The following H6PD variants were observed in gnomAD, a reference collection of about 807,000 sequenced individuals.
H6PD encodes hexose-6-phosphate dehydrogenase/glucose 1-dehydrogenase.
Under a neutral mutation model 61.2 loss-of-function variants are expected in H6PD, and 48 were observed. The observed-to-expected ratio is 0.78, with a 90% CI of 0.62 to 1.00. The LOEUF (loss-of-function observed/expected upper bound fraction) is 1.00. Ranked by LOEUF, H6PD falls within the 50% of genes least tolerant of loss-of-function variation. The probability of loss-of-function intolerance (pLI) is 0.00; values close to 1 mark genes in which losing one functional copy is unlikely to be tolerated. For missense variants in H6PD, 1,093 were observed against 1,065.0 expected (o/e 1.03, Z -0.37); for synonymous variants, 480 against 457.9 (o/e 1.05, Z -0.62).
intron 3 of H6PD, among the ~76,000 whole-genome samples, chr1:9,248,568 G>A (rs556349520): frequency 1.5e-4 from 23 of 152,182 alleles, no homozygotes; most frequent in Non-Finnish European, 2.5e-4. Flanking sequence ...GGGCAGAGGC[G>A]GGAGGATCAT....
At chr1:9,258,402 ATGT>A (rs1477263661) in intron 3 of H6PD, among the ~76,000 whole-genome samples, 5 of 151,400 alleles carry the variant, frequency 3.3e-5, no homozygotes, top group East Asian at 3.9e-4. Context: ...CAGTGTTGTT[ATGT>A]TGTTATGTCA....
rs115109857 is a variant in H6PD at position 9,263,654 on chromosome 1, C to G, written c.1161C>G (p.Ala387=). The change falls in exon 5 of 5, where the codon GCC becomes GCG. Residue 387 remains alanine, a synonymous_variant. Transcript: ENST00000377403. ...ACCVQSEKHW[A]AAQSQCLPRQ... ...GTGTGCAGAGCGAAAAGCACTGGGCCGCGGCGCAGAGCCAGTGCCTGCCCC... is the reference window on the plus strand; with the variant it reads ...GTGTGCAGAGCGAAAAGCACTGGGCGGCGGCGCAGAGCCAGTGCCTGCCCC... 3.1e-6 allele frequency: 5 copies of G among 1,614,172 alleles called. No homozygotes were observed. The highest frequency in any genetic ancestry group is 4.2e-6 in the Non-Finnish European group (5 of 1,180,028).
chr1:9,237,524 C>A (rs80077966), intron 1 of H6PD, among the ~76,000 whole-genome samples: 2 of 152,100 alleles, frequency 1.3e-5, no homozygotes, highest in Non-Finnish European at 2.9e-5. Flanking sequence ...TAAGCCACTG[C>A]GCCTGGCCAT....
intron 1 of H6PD, among the ~76,000 whole-genome samples, chr1:9,236,135 C>T (rs550841789): frequency 3.9e-5 from 6 of 152,146 alleles, no homozygotes; most frequent in South Asian, 2.1e-4. Flanking sequence ...ATTACAGGCG[C>T]GTGCCACCAC....
At chr1:9,247,141 G>A in intron 3 of H6PD, 58 bp downstream of exon 3, 1 of 1,160,644 alleles carries the variant, frequency 8.6e-7, no homozygotes, top group Admixed American at 1.7e-5. Context: ...GCTGTCTGCG[G>A]TGAGGCATGG....
rs1176550644 is a variant in H6PD at position 9,269,063 on chromosome 1, C to G, written c.*4194C>G. 7 of 152,090 alleles carry G rather than the reference C, an allele frequency of 4.6e-5. No homozygotes were observed. Among genetic ancestry groups the G allele is most frequent in the Admixed American group, 4.6e-4 (7 of 15,280 alleles). 9.4% of individuals were successfully genotyped at this position (152,090 alleles called of 1,614,324 possible). A position where few individuals can be genotyped will look rare whatever the true frequency, so the allele number is the denominator to read the frequency against. On this transcript the variant is annotated 3_prime_UTR_variant, in exon 5 of 5. Coordinates refer to ENST00000377403, the MANE Select transcript of H6PD (RefSeq NM_004285.4). The surrounding 1 kb of genome is among the most constrained non-coding windows in gnomAD (Gnocchi z 4.3). ...CACTGATTTAAAAAAAAAAAACTGC[C>G]TGGCAGCATCTCAGTGTCAGAGTGA...
Position 9,262,149 on chromosome 1 carries a change from T to A in H6PD, c.836T>A (p.Leu279Gln). The change falls in exon 4 of 5, where the codon CTG becomes CAG. Residue 279 changes from leucine (L) to glutamine (Q), a missense_variant. By Grantham distance (113) the Leu-to-Gln change is moderately radical (BLOSUM62 -2). Transcript: ENST00000377403. ...TEVLTLVAME[L>Q]PHNVSSAEAV... ...GTCCTCACCCTCGTGGCCATGGAGC[T>A]GCCCCACAATGTCAGCAGTGCGGAG... 1 of 1,614,242 alleles carries A rather than the reference T, an allele frequency of 6.2e-7. No individual in the cohort carries two copies. The highest frequency in any genetic ancestry group is 8.5e-7 in the Non-Finnish European group (1 of 1,180,036).
At chr1:9,237,580 A>G (rs1305980813) in intron 1 of H6PD, among the ~76,000 whole-genome samples, 1 of 152,174 alleles carries the variant, frequency 6.6e-6, no homozygotes, top group Non-Finnish European at 1.5e-5. Flanking sequence ...ACTCCCTGCT[A>G]AGATGGGGAT....
Position 9,245,008 on chromosome 1 carries a change from A to G in H6PD, c.74A>G (p.His25Arg), listed in dbSNP as rs1641118132. The G allele has an allele frequency of 3.7e-6, 6 of 1,614,186 alleles. No homozygotes were observed. The highest frequency in any genetic ancestry group is 3.3e-5 in the South Asian group (3 of 91,090). The change falls in exon 2 of 5, where the codon CAT becomes CGT. Residue 25 changes from histidine to arginine, a missense_variant. Physicochemically the swap from His to Arg is conservative, Grantham distance 29 (BLOSUM62 0). Transcript: ENST00000377403. This position sits in a 1 kb window ranked among gnomAD's most constrained non-coding sequence, Gnocchi z 4.8. Reference protein sequence around the residue: ...GCLQAQELQGHVSIILLGATG... With the variant: ...GCLQAQELQGRVSIILLGATG... ...CTGCAAGCCCAGGAGCTCCAGGGAC[A>G]TGTCTCCATAATCCTGCTGGGAGCA...
Position 9,262,202 on chromosome 1 carries a change from T to C in H6PD, c.889T>C (p.Phe297Leu). ...TGTGCTGCGGCACAAGCTTCAGGTC[T>C]TCCAGGCGCTGCGGGGCCTGCAGAG... is the stretch of plus-strand genomic sequence containing the variant. Reference protein sequence around the residue: ...EAVLRHKLQVFQALRGLQRGS... With the variant: ...EAVLRHKLQVLQALRGLQRGS... The change falls in exon 4 of 5, where the codon TTC (phenylalanine) becomes CTC (leucine). Residue 297 changes from phenylalanine to leucine, a missense_variant. Physicochemically the swap from Phe to Leu is conservative, Grantham distance 22. Coordinates refer to ENST00000377403, the MANE Select transcript of H6PD (RefSeq NM_004285.4). 6.2e-7 allele frequency: 1 copy of C among 1,614,188 alleles called. No individual in the cohort carries two copies. Among genetic ancestry groups the C allele is most frequent in the Non-Finnish European group, 8.5e-7 (1 of 1,180,014 alleles).
chr1:9,262,215 G>A lies in H6PD; in HGVS notation c.902G>A (p.Arg301Gln), dbSNP rs149621074. Residue 301 changes from arginine to glutamine, a missense_variant, in exon 4 of 5, where the codon CGG (arginine) becomes CAG (glutamine). By Grantham distance (43) the Arg-to-Gln change is conservative. Transcript: ENST00000377403. ...AAGCTTCAGGTCTTCCAGGCGCTGCGGGGCCTGCAGAGGGGCAGTGCCGTC... is the reference window on the plus strand; with the variant it reads ...AAGCTTCAGGTCTTCCAGGCGCTGCAGGGCCTGCAGAGGGGCAGTGCCGTC... ...RHKLQVFQAL[R>Q]GLQRGSAVVG... is the part of the protein sequence containing the mutation. 2.4e-4 allele frequency: 392 copies of A among 1,613,968 alleles called. No homozygotes were observed. Among genetic ancestry groups the A allele is most frequent in the Non-Finnish European group, 2.3e-4 (268 of 1,179,910 alleles).
chr1:9,264,610 C>T lies in H6PD; in HGVS notation c.2117C>T (p.Ser706Leu), dbSNP rs746869055. ...CACACAGCCTCCCTCTTCCCACAGTCACCCACTGGCCTGGATGGCGAGCAG... is the reference window on the plus strand; with the variant it reads ...CACACAGCCTCCCTCTTCCCACAGTTACCCACTGGCCTGGATGGCGAGCAG... ...DGHTASLFPQSPTGLDGEQLV... is the reference protein window; with the variant it reads ...DGHTASLFPQLPTGLDGEQLV... The change falls in exon 5 of 5, where the codon TCA becomes TTA. Residue 706 changes from serine (S) to leucine (L), a missense_variant. Physicochemically the swap from Ser to Leu is moderately radical, Grantham distance 145 (BLOSUM62 -2). Transcript: ENST00000377403. The T allele has an allele frequency of 3.7e-6, 6 of 1,613,176 alleles. No homozygotes were observed. Among genetic ancestry groups the T allele is most frequent in the Non-Finnish European group, 3.4e-6 (4 of 1,179,940 alleles).
chr1:9,246,882 AG>A, intron 2 of H6PD, 83 bp from the exon 3 acceptor site: 1 of 913,822 alleles, frequency 1.1e-6, no homozygotes, highest in African/African-American at 1.6e-5. Flanking sequence ...GGGAATAGAA[AG>A]GTCAGAGCCC....
intron 3 of H6PD, among the ~76,000 whole-genome samples, chr1:9,260,728 G>T (rs1453488294): frequency 6.6e-6 from 1 of 152,104 alleles, no homozygotes; most frequent in Admixed American, 6.6e-5. Context: ...TTAGGCTGGT[G>T]TTGTTATGTT....
chr1:9,260,408 GTGTTA>G (rs1641686594), intron 3 of H6PD, among the ~76,000 whole-genome samples: 2 of 148,430 alleles, frequency 1.3e-5, no homozygotes, highest in Admixed American at 1.3e-4. Flanking sequence ...TGTTACGGTG[GTGTTA>G]TGTTGTTATG....
Position 9,266,394 on chromosome 1 carries a change from A to C in H6PD, c.*1525A>C, listed in dbSNP as rs1638563734. On this transcript the variant is annotated 3_prime_UTR_variant, in exon 5 of 5. Transcript: ENST00000377403. ...GCATAGGTTGGGGACTGTGATCTTG[A>C]GAAGCCATGGGCCAGCAATACCTGC... The C allele has an allele frequency of 6.6e-6, 1 of 152,238 alleles. No individual in the cohort carries two copies. Among genetic ancestry groups the C allele is most frequent in the Non-Finnish European group, 1.5e-5 (1 of 68,050 alleles). The allele number at this position is 152,238 out of a possible 1,614,324, so 9.4% of individuals were successfully genotyped here.
intron 3 of H6PD, among the ~76,000 whole-genome samples, chr1:9,247,888 T>C (rs1201784298): frequency 6.6e-6 from 1 of 152,222 alleles, no homozygotes; most frequent in African/African-American, 2.4e-5. Context: ...ACCGTGAAGA[T>C]GTAAAGCACT....
Position 9,269,535 on chromosome 1 carries a change from T to C in H6PD, c.*4666T>C, listed in dbSNP as rs114367340. The C allele has an allele frequency of 6.6e-6, 1 of 152,280 alleles. No individual in the cohort carries two copies. Among genetic ancestry groups the C allele is most frequent in the Admixed American group, 6.5e-5 (1 of 15,288 alleles). The allele number at this position is 152,280 out of a possible 1,614,324, so 9.4% of individuals were successfully genotyped here. ...TGCAGATTTATTCCTGTAATAATCC[T>C]GCCTGCTTTTACCTCTCGTCCACTG... On this transcript the variant is annotated 3_prime_UTR_variant, in exon 5 of 5. Transcript: ENST00000377403. This position sits in a 1 kb window ranked among gnomAD's most constrained non-coding sequence, Gnocchi z 4.3.
chr1:9,253,183 G>T (rs903074773), intron 3 of H6PD, among the ~76,000 whole-genome samples: 4 of 152,122 alleles, frequency 2.6e-5, no homozygotes, highest in Admixed American at 1.3e-4. Context: ...AGCCAACCAG[G>T]CAAAGTCCAT....
Sources: allele counts gnomAD v4.1 joint callset (sites outside exome capture counted in the v4.1 genomes callset), GRCh38; gene constraint gnomAD v4.1.1; non-coding constraint Gnocchi (gnomAD v3.1); transcripts MANE v1.5; gene names NCBI Gene and HGNC (gene_info 2026-07-23, HGNC 2026-07-21).